SNX14: variants seen among roughly 807,000 people sequenced by gnomAD.
The protein encoded by SNX14 is sorting nexin-14.
In SNX14, 93 loss-of-function variants were observed where a neutral mutation model predicts 133.8. That is an observed-to-expected ratio of 0.70 (90% CI 0.59 to 0.83). SNX14 has a LOEUF of 0.83. SNX14 is among the 40% of genes least tolerant of loss of function. The pLI is 0.00. For synonymous variants in SNX14, 368 were observed against 365.6 expected, an observed-to-expected ratio of 1.01 and a Z score of -0.07; for missense variants, 945 against 1,094.9, an observed-to-expected ratio of 0.86 and a Z score of 1.93.
chr6:85,506,520 G>C (rs1770759662), intron 28 of SNX14, among the ~76,000 whole-genome samples: 2 of 152,122 alleles, frequency 1.3e-5, no homozygotes, highest in Admixed American at 1.3e-4. Context: ...GTTTCACCGT[G>C]TTAGCTAGGA....
intron 21 of SNX14, among the ~76,000 whole-genome samples, chr6:85,524,740 C>T (rs868634272): frequency 3.3e-5 from 5 of 149,436 alleles, no homozygotes; most frequent in Admixed American, 2.0e-4. Context: ...GCCAAAATCA[C>T]ACCACTGCAC....
chr6:85,543,807 T>A, intron 12 of SNX14, 47 bp from the exon 13 acceptor site: 1 of 1,216,678 alleles, frequency 8.2e-7, no homozygotes, highest in East Asian at 2.8e-5. Context: ...TAATATATAA[T>A]TATTCATAAA....
intron 21 of SNX14, among the ~76,000 whole-genome samples, chr6:85,524,347 G>A (rs948366621): frequency 2.0e-5 from 3 of 152,126 alleles, no homozygotes; most frequent in Non-Finnish European, 2.9e-5. Context: ...GGATTGTGTA[G>A]GATGAAAATG....
chr6:85,528,300 A>G lies in SNX14; in HGVS notation c.1957T>C (p.Leu653=), dbSNP rs762579587. The G allele has an allele frequency of 3.8e-5, 61 of 1,613,360 alleles. No homozygotes were observed. The highest frequency in any genetic ancestry group is 4.8e-5 in the Non-Finnish European group (57 of 1,179,684). The change falls in exon 20 of 29, where the codon TTA becomes CTA. Residue 653 remains leucine (L), a synonymous_variant. Transcript: ENST00000314673. The part of the protein sequence containing the change: ...RIIGPKNYEF[L]KSKREEFQEY... Reference sequence around the variant, plus strand: ...TGGAACTCTTCCCTCTTTGACTTTAAGAATTCATAATTTTTGGGGCCAATG... The same window carrying G: ...TGGAACTCTTCCCTCTTTGACTTTAGGAATTCATAATTTTTGGGGCCAATG...
intron 13 of SNX14, 121 bp downstream of exon 13, chr6:85,543,484 A>G (rs1784459773): frequency 6.6e-6 from 7 of 1,058,470 alleles, no homozygotes; most frequent in Non-Finnish European, 9.4e-6. Flanking sequence ...CTTTCATCTC[A>G]TTAGTAAAAT....
Position 85,572,166 on chromosome 6 carries a change from A to AT in SNX14, c.387_388insA (p.Ser130IlefsTer5). On this transcript the variant is annotated frameshift_variant, in exon 4 of 29. Coordinates refer to ENST00000314673, the MANE Select transcript of SNX14 (RefSeq NM_153816.6). LOFTEE classifies it high-confidence loss of function. The stretch of plus-strand genomic sequence containing the variant: ...GAGAGAGATGCATCAACCTTGGAAG[A>AT]AATTTTCAGGTCTAGCCATGGCTGG... 1 of 1,613,806 alleles carries AT rather than the reference A, an allele frequency of 6.2e-7. No individual in the cohort carries two copies.
chr6:85,541,947 TG>T, intron 15 of SNX14, 37 bp downstream of exon 15: 1 of 1,505,562 alleles, frequency 6.6e-7, no homozygotes, highest in Non-Finnish European at 9.1e-7. Flanking sequence ...ATAGAATGAC[TG>T]GCATCAGCAA....
At chr6:85,566,887 A>T (rs982377555) in intron 5 of SNX14, among the ~76,000 whole-genome samples, 2 of 152,176 alleles carry the variant, frequency 1.3e-5, no homozygotes, top group African/African-American at 4.8e-5. Flanking sequence ...CTCTAATTTC[A>T]AAATAGATTT....
intron 7 of SNX14, among the ~76,000 whole-genome samples, chr6:85,552,580 C>G (rs1302418614): frequency 6.6e-6 from 1 of 152,118 alleles, no homozygotes; most frequent in African/African-American, 2.4e-5. Flanking sequence ...ACCTGCTAAA[C>G]AAGAAAATAA....
intron 1 of SNX14, among the ~76,000 whole-genome samples, chr6:85,580,609 T>TCTA (rs1798743280): frequency 6.6e-6 from 1 of 152,086 alleles, no homozygotes; most frequent in Non-Finnish European, 1.5e-5. Flanking sequence ...GGGAGTGCAT[T>TCTA]GCCCTGAAAG....
intron 1 of SNX14, among the ~76,000 whole-genome samples, chr6:85,579,818 T>C (rs1474992110): frequency 1.3e-5 from 2 of 152,208 alleles, no homozygotes; most frequent in African/African-American, 4.8e-5. Flanking sequence ...TTAAGTAAAC[T>C]TGAAAGGCAG....
intron 1 of SNX14, 105 bp from the exon 2 acceptor site, chr6:85,574,483 A>T: frequency 1.5e-6 from 1 of 689,226 alleles, no homozygotes; most frequent in East Asian, 3.1e-5. Context: ...ACAATATCAG[A>T]TTGAAGCAAT....
chr6:85,533,355 G>C lies in SNX14; in HGVS notation c.1810+244C>G, dbSNP rs147514699. ...TAAAAGAACATTGCATTGAATGCCTGATGGACTGTCAGGTGTCTAGCAGGC... is the reference window on the plus strand; with the variant it reads ...TAAAAGAACATTGCATTGAATGCCTCATGGACTGTCAGGTGTCTAGCAGGC... On this transcript the variant is annotated intron_variant, in intron 18 of 28. Coordinates refer to ENST00000314673, the MANE Select transcript of SNX14 (RefSeq NM_153816.6). Among the ~76,000 whole-genome samples, 178 of 152,348 alleles carry C rather than the reference G, an allele frequency of 1.2e-3. 1 individual carries two copies. The highest frequency in any genetic ancestry group is 4.3e-3 in the African/African-American group (177 of 41,576).
At chr6:85,524,181 C>G (rs1777821633) in intron 21 of SNX14, among the ~76,000 whole-genome samples, 1 of 151,278 alleles carries the variant, frequency 6.6e-6, no homozygotes, top group Admixed American at 6.6e-5. Flanking sequence ...GACCAAGACT[C>G]CATCTCAAAA....
Position 85,538,845 on chromosome 6 carries a change from C to A in SNX14, c.1468G>T (p.Asp490Tyr). ...CACATGCTCAAGACTTACCGAAAAT[C>A]ATCCAAACTTAGGCTACCTCTGCAA... ...KLNRGSLSLD[D>Y]FRNTQKRGES... is the part of the protein sequence containing the mutation. The change falls in exon 16 of 29, where the codon GAT becomes TAT. Residue 490 changes from aspartate to tyrosine, a missense_variant. Transcript: ENST00000314673. 5.6e-6 allele frequency: 9 copies of A among 1,598,796 alleles called. No individual in the cohort carries two copies. The highest frequency in any genetic ancestry group is 7.7e-6 in the Non-Finnish European group (9 of 1,174,384).
intron 14 of SNX14, 134 bp downstream of exon 14, chr6:85,543,048 G>A (rs1301273417): frequency 3.4e-6 from 3 of 878,836 alleles, no homozygotes; most frequent in Middle Eastern, 3.9e-4. Flanking sequence ...GATTATAGGC[G>A]TGAGCAACTG....
chr6:85,578,155 T>C (rs1308610283), intron 1 of SNX14, among the ~76,000 whole-genome samples: 1 of 152,136 alleles, frequency 6.6e-6, no homozygotes, highest in African/African-American at 2.4e-5. Flanking sequence ...AATGCGTAAA[T>C]ACTATCTTAC....
At chr6:85,535,398 G>A (rs1358338889) in intron 17 of SNX14, among the ~76,000 whole-genome samples, 5 of 151,624 alleles carry the variant, frequency 3.3e-5, no homozygotes, top group Non-Finnish European at 7.4e-5. Flanking sequence ...TGGATCACGA[G>A]GTCAGGAGTT....
intron 1 of SNX14, chr6:85,589,092 T>G: frequency 7.3e-6 from 2 of 273,608 alleles, no homozygotes; most frequent in Non-Finnish European, 1.5e-5. Context: ...GTACTGATCT[T>G]TCTTCTACCA....
Sources: gnomAD v4.1 joint callset for allele counts (sites outside exome capture counted in the v4.1 genomes callset) on GRCh38, gnomAD v4.1.1 for gene constraint, MANE v1.5 for transcripts, NCBI Gene and HGNC (gene_info 2026-07-23, HGNC 2026-07-21) for gene names.